TYR: variants seen among roughly 807,000 people sequenced by gnomAD.
TYR encodes LB24-AB.
Under a neutral mutation model 51.5 loss-of-function variants are expected in TYR, and 58 were observed. That is an observed-to-expected ratio of 1.13 (90% CI 0.91 to 1.40). The LOEUF is 1.40. TYR is among the 40% of genes most tolerant of loss of function. The pLI is 0.00. For synonymous variants in TYR, 263 were observed against 235.2 expected (o/e 1.12, Z -1.08); for missense variants, 732 against 647.4 (o/e 1.13, Z -1.42).
At chr11:89,254,683 T>A (rs924670267) in intron 3 of TYR, among the ~76,000 whole-genome samples, 19 of 151,930 alleles carry the variant, frequency 1.3e-4, no homozygotes, top group African/African-American at 4.6e-4. Flanking sequence ...CCCATTTCAT[T>A]TCCAATTGAG....
intron 4 of TYR, among the ~76,000 whole-genome samples, chr11:89,285,740 T>G (rs1944778024): frequency 6.6e-6 from 1 of 151,774 alleles, no homozygotes; most frequent in Non-Finnish European, 1.5e-5. Flanking sequence ...ACCCAGAGAA[T>G]TTAAGTGACT....
intron 3 of TYR, among the ~76,000 whole-genome samples, chr11:89,264,808 C>A (rs1944506913): frequency 6.6e-6 from 1 of 151,104 alleles, no homozygotes; most frequent in Admixed American, 6.6e-5. Context: ...TTCTTTCAAG[C>A]CCTAATATTT....
chr11:89,259,329 A>C (rs1039962345), intron 3 of TYR, among the ~76,000 whole-genome samples: 35 of 152,104 alleles, frequency 2.3e-4, no homozygotes, highest in Non-Finnish European at 8.8e-5. Flanking sequence ...ATACTTGGCT[A>C]GAACATTAGT....
chr11:89,260,625 C>T (rs1490911069), intron 3 of TYR, among the ~76,000 whole-genome samples: 2 of 152,084 alleles, frequency 1.3e-5, no homozygotes, highest in African/African-American at 2.4e-5. Context: ...GTAAAGAGCA[C>T]TGTGAAAGAT....
At chr11:89,226,418 C>T (rs187901289) in intron 2 of TYR, among the ~76,000 whole-genome samples, 1 of 152,106 alleles carries the variant, frequency 6.6e-6, no homozygotes, top group Non-Finnish European at 1.5e-5. Flanking sequence ...GATTAAGTGT[C>T]ATGTATGTAT....
intron 1 of TYR, among the ~76,000 whole-genome samples, chr11:89,186,273 A>G (rs1943371230): frequency 6.6e-6 from 1 of 152,218 alleles, no homozygotes; most frequent in African/African-American, 2.4e-5. Context: ...CATGCTCAGA[A>G]GCAGACCCTA....
chr11:89,226,709 A>G (rs1943982198), intron 2 of TYR, among the ~76,000 whole-genome samples: 1 of 152,168 alleles, frequency 6.6e-6, no homozygotes, highest in Admixed American at 6.6e-5. Flanking sequence ...TATGAAATAA[A>G]GCTAGAACTT....
chr11:89,213,526 A>T (rs1943790582), intron 2 of TYR, among the ~76,000 whole-genome samples: 1 of 152,254 alleles, frequency 6.6e-6, no homozygotes, highest in Non-Finnish European at 1.5e-5. Context: ...AATAATTTAC[A>T]GATCCAATGC....
chr11:89,236,159 T>G (rs906219764), intron 3 of TYR, among the ~76,000 whole-genome samples: 2 of 151,920 alleles, frequency 1.3e-5, no homozygotes, highest in African/African-American at 4.8e-5. Context: ...GGAAAATATT[T>G]AATAGCTAGC....
chr11:89,213,340 A>C (rs891190060), intron 2 of TYR, among the ~76,000 whole-genome samples: 3 of 152,156 alleles, frequency 2.0e-5, no homozygotes, highest in Non-Finnish European at 4.4e-5. Context: ...ATTCATAATT[A>C]CTATAAAGAG....
intron 2 of TYR, among the ~76,000 whole-genome samples, chr11:89,204,217 A>G (rs1344479336): frequency 6.6e-6 from 1 of 152,142 alleles, no homozygotes; most frequent in Non-Finnish European, 1.5e-5. Context: ...GCATTAGGGG[A>G]AAGTAGTTGA....
At chr11:89,187,384 G>A (rs563890548) in intron 1 of TYR, among the ~76,000 whole-genome samples, 1 of 152,230 alleles carries the variant, frequency 6.6e-6, no homozygotes, top group South Asian at 2.1e-4. Context: ...AGTACATAGA[G>A]GAATGTGTTT....
chr11:89,188,193 A>C (rs930167246), intron 1 of TYR, among the ~76,000 whole-genome samples: 1 of 151,834 alleles, frequency 6.6e-6, no homozygotes, highest in Non-Finnish European at 1.5e-5. Context: ...AATACTTATT[A>C]AAAATGTTTA....
chr11:89,237,870 C>G (rs1205272716), intron 3 of TYR, among the ~76,000 whole-genome samples: 1 of 152,026 alleles, frequency 6.6e-6, no homozygotes, highest in African/African-American at 2.4e-5. Flanking sequence ...GAGTCTCACT[C>G]TGTCACCCAG....
intron 2 of TYR, among the ~76,000 whole-genome samples, chr11:89,216,003 T>A (rs566528393): frequency 1.9e-4 from 29 of 152,312 alleles, no homozygotes; most frequent in African/African-American, 6.7e-4. Flanking sequence ...TACAACATAC[T>A]AGGATTTTGG....
intron 3 of TYR, among the ~76,000 whole-genome samples, chr11:89,255,016 T>C (rs550107779): frequency 2.6e-5 from 4 of 151,904 alleles, no homozygotes; most frequent in Admixed American, 2.6e-4. Context: ...CGTGTCACTA[T>C]TATTGTTCAG....
At chr11:89,199,299 A>G (rs1478359809) in intron 2 of TYR, among the ~76,000 whole-genome samples, 3 of 152,138 alleles carry the variant, frequency 2.0e-5, no homozygotes, top group Admixed American at 6.5e-5. Context: ...GTCAAATGGT[A>G]TTTCTAGTTC....
At chr11:89,239,304 G>T (rs1345611272) in intron 3 of TYR, among the ~76,000 whole-genome samples, 3 of 151,774 alleles carry the variant, frequency 2.0e-5, no homozygotes, top group Non-Finnish European at 1.5e-5. Flanking sequence ...ATTCAGTTTT[G>T]GACATTGTGT....
intron 1 of TYR, among the ~76,000 whole-genome samples, chr11:89,183,398 C>T (rs1473623366): frequency 2.6e-5 from 4 of 151,968 alleles, no homozygotes; most frequent in Admixed American, 6.6e-5. Flanking sequence ...TATTTAAAAT[C>T]TTTGACCTTT....
Sources: allele counts gnomAD v4.1 joint callset (sites outside exome capture counted in the v4.1 genomes callset), GRCh38; gene constraint gnomAD v4.1.1; transcripts MANE v1.5; gene names NCBI Gene and HGNC (gene_info 2026-07-23, HGNC 2026-07-21).